Variants in ZNF717 observed in about 807,000 individuals in gnomAD.
ZNF717 encodes zinc finger protein 717.
ZNF717 carries 9 observed loss-of-function variants against 13.8 expected under a neutral mutation model. The ratio of observed to expected loss-of-function variants is 0.65; its 90% CI spans 0.39 to 1.14. The LOEUF is 1.14. ZNF717 is among the 50% of genes most tolerant of loss of function. The pLI, the probability that ZNF717 is intolerant of heterozygous loss-of-function variation, is 0.01. For synonymous variants in ZNF717, 327 were observed against 364.1 expected, an observed-to-expected ratio of 0.90 and a Z score of 1.16; for missense variants, 1,040 against 1,080.7, an observed-to-expected ratio of 0.96 and a Z score of 0.53.
intron 6 of ZNF717, among the ~76,000 whole-genome samples, chr3:75,700,695 AG>A (rs1937676106): frequency 6.6e-6 from 1 of 152,310 alleles, no homozygotes; most frequent in South Asian, 2.1e-4. Context: ...AAAATAAGAC[AG>A]GTTTTGTAAT....
chr3:75,754,216 TA>T lies in ZNF717; in HGVS notation c.58-12481del, dbSNP rs1425454201. On this transcript the variant is annotated intron_variant, in intron 2 of 4. Coordinates refer to ENST00000652011, the MANE Select transcript of ZNF717 (RefSeq NM_001290208.3). ...TCTAAAGTATTTTGTTATAGCCACC[TA>T]AAGAGAAGAAGAGAGCATCACCTGC... 2.0e-5 allele frequency among the ~76,000 whole-genome samples: 3 copies of T among 152,336 alleles called. No homozygotes were observed. In the East Asian group the frequency reaches 5.8e-4, roughly 29 times the overall value.
chr3:75,708,524 C>G (rs111848651), downstream of ZNF717, among the ~76,000 whole-genome samples: 843 of 152,026 alleles, frequency 5.5e-3, 7 homozygotes, highest in African/African-American at 0.02. Flanking sequence ...GGAAAAAACA[C>G]AGCAGAAAAA....
intron 2 of ZNF717, among the ~76,000 whole-genome samples, chr3:75,770,109 C>T (rs1943774852): frequency 6.6e-6 from 1 of 152,160 alleles, no homozygotes; most frequent in South Asian, 2.1e-4. Flanking sequence ...ACAGTGCTGG[C>T]CAGATGCACA....
In ZNF717 at chr3:75,737,234, C is replaced by T. The variant is rs74494321; in HGVS notation, c.2389G>A (p.Asp797Asn). ...TGATGTATGGTGAGAACTGTCTTAT[C>T]GTAAAAAGTTTTCCTACATTCATCA... is the stretch of plus-strand genomic sequence containing the variant. ...ECDECRKTFY[D>N]KTVLTIHQRT... is the part of the protein sequence containing the mutation. The change falls in exon 5 of 5, where the codon GAT (aspartate) becomes AAT (asparagine). Residue 797 changes from aspartate (D) to asparagine (N), a missense_variant. Asp to Asn is a conservative substitution (Grantham distance 23). This residue lies in a region of ZNF717 where 873 missense variants were observed against 832.8 expected (regional missense o/e 1.05). Coordinates refer to ENST00000652011, the MANE Select transcript of ZNF717 (RefSeq NM_001290208.3). The T allele has an allele frequency of 1.3e-5, 20 of 1,532,200 alleles. No homozygotes were observed. Among genetic ancestry groups the T allele is most frequent in the East Asian group, 2.4e-5 (1 of 40,832 alleles). The allele number at this position is 1,532,200 out of a possible 1,614,324, so 94.9% of individuals were successfully genotyped here.
At chr3:75,741,950 G>A (rs62246578) in intron 2 of ZNF717, 1 of 586,692 alleles carries the variant, frequency 1.7e-6, no homozygotes, top group Non-Finnish European at 3.0e-6. Flanking sequence ...TTCACTCTTT[G>A]GTGTGTCCAT....
rs2107082025 is a variant in ZNF717 at position 75,738,111 on chromosome 3, T to C, written c.1512A>G (p.Glu504=). The part of the protein sequence containing the change: ...LTIHQWTHTG[E]KPYECNECGK... ...CACATTCATTGCATTCGTAGGGTTT[T>C]TCCCCTGTGTGAGTCCATTGATGGA... The change falls in exon 5 of 5, where the codon GAA becomes GAG. Residue 504 remains glutamate, a synonymous_variant. Transcript: ENST00000652011. The C allele has an allele frequency of 3.0e-6, 4 of 1,355,094 alleles. No homozygotes were observed. In the East Asian group the frequency reaches 1.3e-4, roughly 43 times the overall value. The allele number at this position is 1,355,094 out of a possible 1,614,324, so 83.9% of individuals were successfully genotyped here. A position where few individuals can be genotyped will look rare whatever the true frequency, so the allele number is the denominator to read the frequency against.
Position 75,738,975 on chromosome 3 carries a change from T to C in ZNF717, c.648A>G (p.Lys216=). Residue 216 remains lysine, a synonymous_variant, in exon 5 of 5, where the codon AAA becomes AAG. Transcript: ENST00000652011. ...AGAACATTGCCTCCGTGTTGAAGGTTTTCCCTTGTTCATTACATTGAAAAG... is the reference window on the plus strand; with the variant it reads ...AGAACATTGCCTCCGTGTTGAAGGTCTTCCCTTGTTCATTACATTGAAAAG... ...LQTFQCNEQG[K]TFNTEAMFFI... 2 of 1,551,608 alleles carry C rather than the reference T, an allele frequency of 1.3e-6. No homozygotes were observed. The highest frequency in any genetic ancestry group is 1.7e-6 in the Non-Finnish European group (2 of 1,146,958).
chr3:75,712,802 A>C (rs1254670923), intron 5 of ZNF717, among the ~76,000 whole-genome samples: 1 of 152,128 alleles, frequency 6.6e-6, no homozygotes, highest in Non-Finnish European at 1.5e-5. Context: ...TTGCTGAATC[A>C]ATATTTTGAA....
intron 5 of ZNF717, among the ~76,000 whole-genome samples, chr3:75,713,872 A>G (rs1360680141): frequency 6.6e-6 from 1 of 152,094 alleles, no homozygotes; most frequent in Admixed American, 6.5e-5. Flanking sequence ...GGGGCAGGGT[A>G]AGGAGTGTGA....
At chr3:75,741,876 AC>A (rs1940512111) in intron 2 of ZNF717, 140 bp from the exon 3 acceptor site, 1 of 1,148,734 alleles carries the variant, frequency 8.7e-7, no homozygotes, top group Non-Finnish European at 1.2e-6. Context: ...CTGTAATGGC[AC>A]ATTTTTCCTC....
intron 5 of ZNF717, among the ~76,000 whole-genome samples, chr3:75,713,293 G>C (rs1162870335): frequency 6.6e-6 from 1 of 151,980 alleles, no homozygotes; most frequent in Admixed American, 6.6e-5. Context: ...TGGGACTACA[G>C]GCATGTGTCA....
At chr3:75,696,590 A>G (rs1175560344) in intron 6 of ZNF717, among the ~76,000 whole-genome samples, 420 of 150,486 alleles carry the variant, frequency 2.8e-3, no homozygotes, top group African/African-American at 0.01. Flanking sequence ...AATGTGATAC[A>G]TCACATAAAC....
At position 75,737,451 on chromosome 3, in the gene ZNF717, G is replaced by A; in HGVS notation, c.2172C>T (p.Phe724=). 1 of 1,555,396 alleles carries A rather than the reference G, an allele frequency of 6.4e-7. No individual in the cohort carries two copies. Among genetic ancestry groups the A allele is most frequent in the South Asian group, 1.2e-5 (1 of 84,266 alleles). The change falls in exon 5 of 5, where the codon TTC becomes TTT. Residue 724 remains phenylalanine (F), a synonymous_variant. Transcript: ENST00000652011. ...RRQIFRSIKV[F]TRGRNPMNVA... Reference sequence around the variant, plus strand: ...CATTCATAGGGTTTCTCCCCCGTGTGAATACCTTGATGCTTCTGAAGATTT... The same window carrying A: ...CATTCATAGGGTTTCTCCCCCGTGTAAATACCTTGATGCTTCTGAAGATTT...
At chr3:75,697,019 T>G (rs1937611143) in intron 6 of ZNF717, among the ~76,000 whole-genome samples, 1 of 152,426 alleles carries the variant, frequency 6.6e-6, no homozygotes. Flanking sequence ...GGGTATGGAA[T>G]GAACATACCT....
At chr3:75,727,203 T>C (rs1490726673), downstream of ZNF717, among the ~76,000 whole-genome samples, 4 of 152,268 alleles carry the variant, frequency 2.6e-5, no homozygotes, top group Admixed American at 1.3e-4. Flanking sequence ...CCTGTGATGA[T>C]TGCGTTAACT....
intron 6 of ZNF717, among the ~76,000 whole-genome samples, chr3:75,695,061 C>G (rs1218846035): frequency 1.3e-5 from 2 of 152,164 alleles, no homozygotes; most frequent in East Asian, 3.8e-4. Flanking sequence ...GATAGAGAAG[C>G]AGGACAATAA....
chr3:75,755,848 AAACAGT>A (rs1332158474), intron 2 of ZNF717, among the ~76,000 whole-genome samples: 2 of 147,538 alleles, frequency 1.4e-5, no homozygotes, highest in African/African-American at 5.0e-5. Context: ...AATGAATAGA[AAACAGT>A]AACAAACACA....
chr3:75,775,234 G>A (rs1944219851), intron 2 of ZNF717, among the ~76,000 whole-genome samples: 1 of 152,216 alleles, frequency 6.6e-6, no homozygotes, highest in African/African-American at 2.4e-5. Flanking sequence ...AAACAGCTGG[G>A]ATTACAGGCA....
At chr3:75,747,031 A>C (rs1327882210) in intron 2 of ZNF717, among the ~76,000 whole-genome samples, 1 of 152,046 alleles carries the variant, frequency 6.6e-6, no homozygotes, top group East Asian at 1.9e-4. Flanking sequence ...ATGTTGAATT[A>C]ATTTTTGTAT....
Sources: gnomAD v4.1 joint callset for allele counts (sites outside exome capture counted in the v4.1 genomes callset) on GRCh38, gnomAD v4.1.1 for gene constraint, gnomAD v4.1.1 regional missense constraint, MANE v1.5 for transcripts, NCBI Gene and HGNC (gene_info 2026-07-23, HGNC 2026-07-21) for gene names.